Variants in C10orf67 observed in about 807,000 individuals in gnomAD.
C10orf67 encodes uncharacterized protein C10orf67, mitochondrial.
Under a neutral mutation model 35.6 loss-of-function variants are expected in C10orf67, and 60 were observed. The observed-to-expected ratio is 1.68, with a 90% CI of 1.37 to 2.09. The LOEUF is 2.09. Among genes scored for constraint, C10orf67 ranks in the 30% most tolerant of loss-of-function variants. C10orf67 has a pLI of 0.00. For missense variants in C10orf67, 474 were observed against 330.2 expected (o/e 1.44, Z -3.38); for synonymous variants, 167 against 115.8 (o/e 1.44, Z -2.84).
At chr10:23,238,062 A>G (rs753554350) in intron 13 of C10orf67, among the ~76,000 whole-genome samples, 1 of 152,236 alleles carries the variant, frequency 6.6e-6, no homozygotes, top group Non-Finnish European at 1.5e-5. Flanking sequence ...AAGCTCTGCA[A>G]GTAAAATAGT....
chr10:23,320,923 T>C, intron 3 of C10orf67, 108 bp from the exon 4 acceptor site: 1 of 728,764 alleles, frequency 1.4e-6, no homozygotes, highest in Non-Finnish European at 2.2e-6. Flanking sequence ...ATCATCACAA[T>C]CTATTGAAAA....
At chr10:23,281,708 C>T (rs892158245) in intron 8 of C10orf67, among the ~76,000 whole-genome samples, 4 of 152,056 alleles carry the variant, frequency 2.6e-5, no homozygotes, top group South Asian at 4.2e-4. Flanking sequence ...TTCAAAATAG[C>T]GGGCTCTCAT....
chr10:23,215,073 T>G (rs1328058807), intron 15 of C10orf67, among the ~76,000 whole-genome samples: 2 of 152,082 alleles, frequency 1.3e-5, no homozygotes, highest in Non-Finnish European at 2.9e-5. Flanking sequence ...ACAGATATTT[T>G]AGAATTAATA....
intron 8 of C10orf67, among the ~76,000 whole-genome samples, chr10:23,276,424 C>A (rs1259168188): frequency 1.3e-5 from 2 of 152,080 alleles, no homozygotes; most frequent in African/African-American, 4.8e-5. Context: ...TTTAGAAAGA[C>A]AATTCCCTGG....
chr10:23,318,150 G>T, intron 4 of C10orf67: 1 of 129,604 alleles, frequency 7.7e-6, no homozygotes, highest in South Asian at 2.4e-4. Flanking sequence ...GCAAAACAAA[G>T]AAAAAAAAAA....
In C10orf67 at chr10:23,270,073, T is replaced by C. The variant is rs939310185; in HGVS notation, c.976-2819A>G. ...TAATACTGTCCCATGAAAGACTATA[T>C]ACTGGGGGAGGGGCCAAGAGCCAAT... On this transcript the variant is annotated intron_variant, in intron 8 of 15. Transcript: ENST00000636213. Among the ~76,000 whole-genome samples the C allele has an allele frequency of 2.6e-5, 4 of 152,106 alleles. No individual in the cohort carries two copies. In the East Asian group the frequency reaches 7.7e-4, roughly 29 times the overall value.
At chr10:23,325,331 C>G (rs2132354733) in intron 2 of C10orf67, among the ~76,000 whole-genome samples, 1 of 152,078 alleles carries the variant, frequency 6.6e-6, no homozygotes, top group East Asian at 1.9e-4. Context: ...GAGGGAGACT[C>G]TGTCTCATAA....
rs373264295 is a variant in C10orf67, at chr10:23,322,352, G to A, written c.471+42C>T. On this transcript the variant is annotated intron_variant, in intron 3 of 15. Coordinates refer to ENST00000636213, the MANE Select transcript of C10orf67 (RefSeq NM_001371909.1). Reference sequence around the variant, plus strand: ...TGCACTGCATACACATCTAAGCACAGTATCAATCCACATAAAACAAAAGAA... The same window carrying A: ...TGCACTGCATACACATCTAAGCACAATATCAATCCACATAAAACAAAAGAA... 21 of 1,586,156 alleles carry A rather than the reference G, an allele frequency of 1.3e-5. No individual in the cohort carries two copies. In the African/African-American group the frequency reaches 1.3e-4, roughly 10 times the overall value.
At chr10:23,251,895 T>TA (rs1429368210) in intron 10 of C10orf67, among the ~76,000 whole-genome samples, 1 of 152,216 alleles carries the variant, frequency 6.6e-6, no homozygotes, top group African/African-American at 2.4e-5. Flanking sequence ...AACTGAGACT[T>TA]ACAATATGCT....
chr10:23,319,500 T>C (rs1844863331), intron 4 of C10orf67, among the ~76,000 whole-genome samples: 1 of 152,206 alleles, frequency 6.6e-6, no homozygotes, highest in Non-Finnish European at 1.5e-5. Flanking sequence ...TAGAATGATT[T>C]ATCTTTCTTT....
intron 15 of C10orf67, among the ~76,000 whole-genome samples, chr10:23,213,566 A>G (rs1456318199): frequency 1.3e-5 from 2 of 152,220 alleles, no homozygotes; most frequent in Non-Finnish European, 2.9e-5. Flanking sequence ...ATTACCATCA[A>G]AGAGTGAGGT....
At chr10:23,273,987 C>G (rs1313197584) in intron 8 of C10orf67, among the ~76,000 whole-genome samples, 1 of 151,962 alleles carries the variant, frequency 6.6e-6, no homozygotes, top group Admixed American at 6.6e-5. Context: ...AGAAAAAGTA[C>G]AAAGAGAGAA....
rs537485295 is a variant in C10orf67, at chr10:23,336,299, G to A, written c.207-3117C>T. ...GAATGGGAAGAATTGGTATGAATGCGTACTTTTATAAATATAGATAAATAG... is the reference window on the plus strand; with the variant it reads ...GAATGGGAAGAATTGGTATGAATGCATACTTTTATAAATATAGATAAATAG... On this transcript the variant is annotated intron_variant, in intron 1 of 15. Coordinates refer to ENST00000636213, the MANE Select transcript of C10orf67 (RefSeq NM_001371909.1). 1.1e-3 allele frequency among the ~76,000 whole-genome samples: 175 copies of A among 152,256 alleles called. 1 individual carries two copies. The highest frequency in any genetic ancestry group is 3.9e-3 in the African/African-American group (160 of 41,546).
At chr10:23,232,064 T>A (rs1197788995) in intron 13 of C10orf67, among the ~76,000 whole-genome samples, 1 of 152,104 alleles carries the variant, frequency 6.6e-6, no homozygotes, top group African/African-American at 2.4e-5. Flanking sequence ...TGAAGAGGAA[T>A]GCAATTGGTG....
chr10:23,244,815 G>T (rs1174524652), intron 12 of C10orf67, among the ~76,000 whole-genome samples: 1 of 152,128 alleles, frequency 6.6e-6, no homozygotes, highest in Non-Finnish European at 1.5e-5. Flanking sequence ...TACCAAAATT[G>T]CAATGGCATT....
At chr10:23,343,995 C>A in intron 1 of C10orf67, 1 of 447,412 alleles carries the variant, frequency 2.2e-6, no homozygotes, top group Non-Finnish European at 4.6e-6. Flanking sequence ...CGCCCCAGTT[C>A]GCCATTGCAG....
rs1843205558 is a variant in C10orf67 at position 23,276,897 on chromosome 10, G to C, written c.975+5116C>G. ...GTAACATGCTAATAGCGATGTGCCA[G>C]GGAAAGGAATTGGTGAATAAATAAA... On this transcript the variant is annotated intron_variant, in intron 8 of 15. Coordinates refer to ENST00000636213, the MANE Select transcript of C10orf67 (RefSeq NM_001371909.1). Among the ~76,000 whole-genome samples the C allele has an allele frequency of 2.0e-5, 3 of 152,136 alleles. No homozygotes were observed. The South Asian group carries it at 6.2e-4, about 32-fold the overall frequency.
At chr10:23,213,060 A>G (rs888539430) in intron 15 of C10orf67, among the ~76,000 whole-genome samples, 1 of 152,200 alleles carries the variant, frequency 6.6e-6, no homozygotes, top group African/African-American at 2.4e-5. Context: ...GTAAAACAAG[A>G]ACAGTGGCTT....
At chr10:23,279,578 G>A (rs902942031) in intron 8 of C10orf67, among the ~76,000 whole-genome samples, 3 of 152,206 alleles carry the variant, frequency 2.0e-5, no homozygotes, top group Admixed American at 1.3e-4. Flanking sequence ...CCAAGAAATA[G>A]GGTGCACGGG....
Sources: gnomAD v4.1 joint callset for allele counts (sites outside exome capture counted in the v4.1 genomes callset) on GRCh38, gnomAD v4.1.1 for gene constraint, MANE v1.5 for transcripts, NCBI Gene and HGNC (gene_info 2026-07-23, HGNC 2026-07-21) for gene names.